The following C5orf58 variants were observed in gnomAD, a reference collection of about 807,000 sequenced individuals.
The protein encoded by C5orf58 is chromosome 5 open reading frame 58.
C5orf58 carries 2 observed loss-of-function variants against 2.9 expected under a neutral mutation model. The observed-to-expected ratio is 0.69, with a 90% CI of 0.28 to 2.18. The LOEUF (loss-of-function observed/expected upper bound fraction) is 2.18, where lower values mean the gene tolerates loss of function less well. Among genes scored for constraint, C5orf58 ranks in the 30% most tolerant of loss-of-function variants. The probability of loss-of-function intolerance (pLI) is 0.13; values close to 1 mark genes in which losing one functional copy is unlikely to be tolerated. For synonymous variants in C5orf58, 37 were observed against 33.4 expected, an observed-to-expected ratio of 1.11 and a Z score of -0.37; for missense variants, 96 against 91.7, an observed-to-expected ratio of 1.05 and a Z score of -0.19.
downstream of C5orf58, chr5:170,248,849 A>C (rs574604145): frequency 6.2e-7 from 1 of 1,607,676 alleles, no homozygotes; most frequent in African/African-American, 1.3e-5. Flanking sequence ...GAGATGAGTC[A>C]ACATTGGAAT....
At chr5:170,247,048 A>G (rs896629872), downstream of C5orf58, 5 of 152,218 alleles carry the variant, frequency 3.3e-5, no homozygotes, top group African/African-American at 7.2e-5. Context: ...TTCATTTTAG[A>G]TATTTTTGAA....
At position 170,239,398 on chromosome 5, in the gene C5orf58, G is replaced by GAAA. The variant is rs11446646; in HGVS notation, c.94+4338_94+4340dup. ...TCAGAGGCAGGTAACACTGAAAATT[G>GAAA]AAAAAAAAAAAATCAAATCTCAAAA... On this transcript the variant is annotated intron_variant, in intron 3 of 3. Coordinates refer to ENST00000593851, the MANE Select transcript of C5orf58 (RefSeq NM_001102609.3). 2.4e-3 allele frequency among the ~76,000 whole-genome samples: 343 copies of GAAA among 143,370 alleles called. 6 individuals carry two copies. The highest frequency in any genetic ancestry group is 0.023 in the East Asian group (115 of 4,934). 94.1% of individuals were successfully genotyped at this position (143,370 alleles called of 152,430 possible). A position where few individuals can be genotyped will look rare whatever the true frequency, so the allele number is the denominator to read the frequency against.
intron 3 of C5orf58, among the ~76,000 whole-genome samples, chr5:170,236,671 C>A (rs1206785931): frequency 1.3e-5 from 2 of 152,184 alleles, no homozygotes; most frequent in East Asian, 1.9e-4. Context: ...TATGCTCCAG[C>A]TGTACTGAAC....
downstream of C5orf58, chr5:170,251,124 C>T (rs1041567074): frequency 2.3e-6 from 1 of 430,060 alleles, no homozygotes; most frequent in African/African-American, 2.0e-5. Flanking sequence ...AAGAAATTTC[C>T]AAGTCAATCT....
intron 3 of C5orf58, among the ~76,000 whole-genome samples, chr5:170,241,879 G>C (rs1262081179): frequency 5.3e-5 from 8 of 151,642 alleles, no homozygotes; most frequent in South Asian, 2.1e-4. Flanking sequence ...AATGCTTCCA[G>C]TTTTTGCCCA....
Position 170,233,778 on chromosome 5 carries a change from AG to A in C5orf58, c.-84-336del, listed in dbSNP as rs377558372. 1.6e-5 allele frequency: 4 copies of A among 243,216 alleles called. No individual in the cohort carries two copies. In the East Asian group the frequency reaches 5.0e-4, roughly 31 times the overall value. The allele number at this position is 243,216 out of a possible 1,614,324, so 15.1% of individuals were successfully genotyped here. ...CCCAGACCTGTCCTGCCTCCAGTCC[AG>A]TCCCAGCTACATTGTTGTGTAGCAC... On this transcript the variant is annotated intron_variant, in intron 1 of 3. Transcript: ENST00000593851.
chr5:170,237,621 C>T (rs576860189), intron 3 of C5orf58, among the ~76,000 whole-genome samples: 6 of 152,234 alleles, frequency 3.9e-5, no homozygotes, highest in Admixed American at 3.9e-4. Context: ...AAAATAGCCC[C>T]TACGACTCAA....
At chr5:170,236,615 C>G (rs1760751739) in intron 3 of C5orf58, among the ~76,000 whole-genome samples, 1 of 152,028 alleles carries the variant, frequency 6.6e-6, no homozygotes, top group African/African-American at 2.4e-5. Context: ...CAGATCATTC[C>G]CCTCCTTTCC....
At chr5:170,236,522 C>G (rs185835737) in intron 3 of C5orf58, among the ~76,000 whole-genome samples, 1 of 152,142 alleles carries the variant, frequency 6.6e-6, no homozygotes, top group South Asian at 2.1e-4. Context: ...TTCTAAAATG[C>G]GAATCTGCAG....
chr5:170,237,518 GATAAC>G (rs1760792438), intron 3 of C5orf58, among the ~76,000 whole-genome samples: 1 of 152,132 alleles, frequency 6.6e-6, no homozygotes, highest in Non-Finnish European at 1.5e-5. Flanking sequence ...TCCAAGAAGA[GATAAC>G]AAAACAAAAG....
At chr5:170,250,847 TG>T, downstream of C5orf58, 1 of 1,613,724 alleles carries the variant, frequency 6.2e-7, no homozygotes, top group Non-Finnish European at 8.5e-7. Flanking sequence ...GATTGGTTGT[TG>T]TTTTTTTAGA....
At chr5:170,245,019 G>A (rs1761197373) in intron 3 of C5orf58, among the ~76,000 whole-genome samples, 1 of 152,192 alleles carries the variant, frequency 6.6e-6, no homozygotes, top group Non-Finnish European at 1.5e-5. Context: ...TCAGCTGCAG[G>A]TCTGTTAGAA....
intron 3 of C5orf58, among the ~76,000 whole-genome samples, chr5:170,244,443 C>T (rs1438815959): frequency 6.8e-6 from 1 of 147,946 alleles, no homozygotes; most frequent in African/African-American, 2.5e-5. Context: ...GGTCTTTTCA[C>T]ATAGTCCCAT....
rs1338721716 is a variant in C5orf58, at chr5:170,246,154, A to T, written c.*41A>T. ...GAGTTTCTGTTTTATTGTTGAACTAACAAATATTTGGGAGAGTTGAGTTTA... is the reference window on the plus strand; with the variant it reads ...GAGTTTCTGTTTTATTGTTGAACTATCAAATATTTGGGAGAGTTGAGTTTA... On this transcript the variant is annotated 3_prime_UTR_variant, in exon 4 of 4. Transcript: ENST00000593851. The T allele has an allele frequency of 6.5e-7, 1 of 1,537,120 alleles. No individual in the cohort carries two copies. The highest frequency in any genetic ancestry group is 8.9e-7 in the Non-Finnish European group (1 of 1,126,456).
downstream of C5orf58, chr5:170,248,790 G>A (rs1187893589): frequency 1.9e-6 from 3 of 1,612,332 alleles, no homozygotes; most frequent in Non-Finnish European, 2.5e-6. Flanking sequence ...TCCTGAAGTA[G>A]TCAATAATAT....
chr5:170,251,844 G>A (rs1267176921), exon 3 of C5orf58: 1 of 318,842 alleles, frequency 3.1e-6, no homozygotes, highest in African/African-American at 2.1e-5. Context: ...TGATCTAAAT[G>A]TGCAACTACT....
chr5:170,245,374 C>T (rs984290782), intron 3 of C5orf58, among the ~76,000 whole-genome samples: 16 of 152,330 alleles, frequency 1.1e-4, no homozygotes, highest in South Asian at 4.1e-4. Flanking sequence ...CCCCCAGCCT[C>T]GCTGCTGCCT....
Position 170,245,968 on chromosome 5 carries a change from C to A in C5orf58, c.101C>A (p.Ser34Tyr). ...SSELKKIKEL[S>Y]QLLLCDLILH... ...CCTGTTTTGTTTTGCACAGAGCTCT[C>A]CCAGTTATTGCTTTGTGACCTTATC... Residue 34 changes from serine to tyrosine, a missense_variant, in exon 4 of 4, where the codon TCC becomes TAC. Physicochemically the swap from Ser to Tyr is moderately radical, Grantham distance 144. Coordinates refer to ENST00000593851, the MANE Select transcript of C5orf58 (RefSeq NM_001102609.3). The A allele has an allele frequency of 6.2e-7, 1 of 1,612,990 alleles. No individual in the cohort carries two copies. Among genetic ancestry groups the A allele is most frequent in the Non-Finnish European group, 8.5e-7 (1 of 1,179,492 alleles).
intron 3 of C5orf58, among the ~76,000 whole-genome samples, chr5:170,237,987 A>G (rs1220496119): frequency 6.6e-6 from 1 of 152,202 alleles, no homozygotes; most frequent in Non-Finnish European, 1.5e-5. Flanking sequence ...CCAGCCTAAG[A>G]TAAAAGATCT....
Sources: allele counts gnomAD v4.1 joint callset (sites outside exome capture counted in the v4.1 genomes callset), GRCh38; gene constraint gnomAD v4.1.1; transcripts MANE v1.5; gene names NCBI Gene and HGNC (gene_info 2026-07-23, HGNC 2026-07-21).